The following PPM1E variants were observed in gnomAD, a reference collection of about 807,000 sequenced individuals.
PPM1E encodes the protein protein phosphatase 1E.
A neutral mutation model predicts 65.9 loss-of-function variants in PPM1E; 20 were observed. The ratio of observed to expected loss-of-function variants is 0.30; its 90% CI spans 0.21 to 0.44. PPM1E has a LOEUF of 0.44. Ranked by LOEUF, PPM1E falls within the 20% of genes least tolerant of loss-of-function variation. PPM1E has a pLI of 1.00. For missense variants in PPM1E, 713 were observed against 953.1 expected, an observed-to-expected ratio of 0.75 and a Z score of 3.32; for synonymous variants, 352 against 374.9, an observed-to-expected ratio of 0.94 and a Z score of 0.70.
intron 1 of PPM1E, among the ~76,000 whole-genome samples, chr17:58,835,652 T>G (rs1598601178): frequency 6.6e-6 from 1 of 151,698 alleles, no homozygotes; most frequent in Admixed American, 6.6e-5. Context: ...GACCTCTATC[T>G]CTACAAAAAA....
intron 1 of PPM1E, chr17:58,899,470 G>A (rs571150788): frequency 2.7e-4 from 60 of 225,822 alleles, no homozygotes; most frequent in Non-Finnish European, 5.3e-4. Context: ...CATGTGTGAT[G>A]AGCCTGTGTA....
intron 1 of PPM1E, among the ~76,000 whole-genome samples, chr17:58,788,569 A>G (rs1377529461): frequency 1.3e-5 from 2 of 152,234 alleles, no homozygotes; most frequent in Non-Finnish European, 2.9e-5. Flanking sequence ...AACTAGTTTT[A>G]GTTGATCAGT....
At chr17:58,847,122 A>AT (rs538704455) in intron 1 of PPM1E, among the ~76,000 whole-genome samples, 15 of 151,400 alleles carry the variant, frequency 9.9e-5, no homozygotes, top group South Asian at 6.2e-4. Context: ...GGGTTGTTTG[A>AT]TTTTTTCTTG....
At chr17:58,819,292 C>A (rs369658699) in intron 1 of PPM1E, among the ~76,000 whole-genome samples, 5 of 152,100 alleles carry the variant, frequency 3.3e-5, no homozygotes, top group Non-Finnish European at 5.9e-5. Flanking sequence ...ATTATAGGCA[C>A]GCGCCACCAC....
chr17:58,916,141 A>C (rs569776509), intron 1 of PPM1E, among the ~76,000 whole-genome samples: 2 of 152,322 alleles, frequency 1.3e-5, no homozygotes, highest in Admixed American at 6.5e-5. Flanking sequence ...CACTGCATTT[A>C]AATAGATTTT....
chr17:58,939,891 G>A (rs1470266286), intron 1 of PPM1E, among the ~76,000 whole-genome samples: 2 of 152,080 alleles, frequency 1.3e-5, no homozygotes, highest in Admixed American at 1.3e-4. Context: ...TACATAAAAA[G>A]AAAAGCATTA....
At chr17:58,887,965 A>G (rs956788450) in intron 1 of PPM1E, among the ~76,000 whole-genome samples, 1 of 152,214 alleles carries the variant, frequency 6.6e-6, no homozygotes, top group Non-Finnish European at 1.5e-5. Flanking sequence ...GAGAAGAAGC[A>G]ATAGGACTTG....
At chr17:58,762,325 C>T (rs2144141999) in intron 1 of PPM1E, among the ~76,000 whole-genome samples, 1 of 151,752 alleles carries the variant, frequency 6.6e-6, no homozygotes, top group South Asian at 2.1e-4. Context: ...ATGGCAAGGC[C>T]CCGTCTCTAC....
intron 4 of PPM1E, among the ~76,000 whole-genome samples, chr17:58,970,621 A>G (rs757088469): frequency 1.4e-4 from 22 of 152,336 alleles, no homozygotes; most frequent in Non-Finnish European, 2.6e-4. Context: ...TAATGAAACA[A>G]TAACTCAGAC....
chr17:58,756,543 A>G, intron 1 of PPM1E, 82 bp downstream of exon 1: 1 of 1,236,058 alleles, frequency 8.1e-7, no homozygotes, highest in East Asian at 3.2e-5. Flanking sequence ...GGCCCCTCAA[A>G]CTGCTCTCTT....
At chr17:58,805,209 C>A (rs2050294040) in intron 1 of PPM1E, among the ~76,000 whole-genome samples, 1 of 151,846 alleles carries the variant, frequency 6.6e-6, no homozygotes, top group Non-Finnish European at 1.5e-5. Flanking sequence ...TTTGGTGCAC[C>A]AGTCACCCAA....
chr17:58,816,913 A>G (rs928935953), intron 1 of PPM1E, among the ~76,000 whole-genome samples: 4 of 149,482 alleles, frequency 2.7e-5, no homozygotes, highest in African/African-American at 7.4e-5. Flanking sequence ...CTCCCACCTC[A>G]GCCTCCTGAG....
At chr17:58,851,490 C>T (rs572458526) in intron 1 of PPM1E, among the ~76,000 whole-genome samples, 5 of 151,748 alleles carry the variant, frequency 3.3e-5, no homozygotes, top group South Asian at 2.1e-4. Flanking sequence ...TGTTAGTTTT[C>T]CTTCTAACAG....
At chr17:58,946,030 G>A (rs539903047) in intron 1 of PPM1E, among the ~76,000 whole-genome samples, 23 of 152,166 alleles carry the variant, frequency 1.5e-4, no homozygotes, top group African/African-American at 5.1e-4. Flanking sequence ...ATGGGAATAG[G>A]GTTGAATATT....
chr17:58,840,086 C>T (rs572406540), intron 1 of PPM1E, among the ~76,000 whole-genome samples: 173 of 152,190 alleles, frequency 1.1e-3, no homozygotes, highest in Non-Finnish European at 2.1e-3. Flanking sequence ...AGGGAAGAAG[C>T]ACATGGGACA....
intron 1 of PPM1E, among the ~76,000 whole-genome samples, chr17:58,861,160 A>G (rs1477743539): frequency 6.6e-6 from 1 of 152,140 alleles, no homozygotes; most frequent in African/African-American, 2.4e-5. Context: ...GGTGGGTCAG[A>G]TCCACTGGAA....
At chr17:58,938,321 C>T (rs1450688647) in intron 1 of PPM1E, among the ~76,000 whole-genome samples, 2 of 152,124 alleles carry the variant, frequency 1.3e-5, no homozygotes, top group East Asian at 3.8e-4. Context: ...ATAACTAGAA[C>T]CCACCTTTCT....
chr17:58,831,431 C>T (rs1218528986), intron 1 of PPM1E, among the ~76,000 whole-genome samples: 1 of 152,154 alleles, frequency 6.6e-6, no homozygotes, highest in Non-Finnish European at 1.5e-5. Context: ...AGGTGATTTA[C>T]TTCAGTCTCT....
At chr17:58,933,177 A>C (rs914931371) in intron 1 of PPM1E, among the ~76,000 whole-genome samples, 1 of 152,188 alleles carries the variant, frequency 6.6e-6, no homozygotes, top group African/African-American at 2.4e-5. Context: ...ACGTATCCCC[A>C]TTAAGTGACA....
Sources: gnomAD v4.1 joint callset for allele counts (sites outside exome capture counted in the v4.1 genomes callset) on GRCh38, gnomAD v4.1.1 for gene constraint, MANE v1.5 for transcripts, NCBI Gene and HGNC (gene_info 2026-07-23, HGNC 2026-07-21) for gene names.